Variants in CEACAM19 observed in about 807,000 individuals in gnomAD.
CEACAM19 encodes cell adhesion molecule CEACAM19.
A neutral mutation model predicts 37.6 loss-of-function variants in CEACAM19; 37 were observed. The ratio of observed to expected loss-of-function variants is 0.98; its 90% confidence interval spans 0.76 to 1.29. CEACAM19 has a LOEUF of 1.29. Among genes scored for constraint, CEACAM19 ranks in the 50% most tolerant of loss-of-function variants. The pLI is 0.00. For synonymous variants in CEACAM19, 140 were observed against 149.8 expected, an observed-to-expected ratio of 0.93 and a Z score of 0.48; for missense variants, 340 against 375.6, an observed-to-expected ratio of 0.91 and a Z score of 0.78.
chr19:44,667,318 C>T (rs1973730647), upstream of CEACAM19: 1 of 151,252 alleles, frequency 6.6e-6, no homozygotes, highest in Non-Finnish European at 1.5e-5. Context: ...CCTCAGATCC[C>T]TAGGTCAGCT....
At chr19:44,673,635 C>T (rs551146660) in intron 2 of CEACAM19, 2 of 152,140 alleles carry the variant, frequency 1.3e-5, no homozygotes, top group South Asian at 2.1e-4. Flanking sequence ...TGGTTGAGAA[C>T]CATTACTCTA....
chr19:44,666,584 C>T (rs1189613435), upstream of CEACAM19, among the ~76,000 whole-genome samples: 2 of 152,076 alleles, frequency 1.3e-5, no homozygotes, highest in Admixed American at 1.3e-4. Flanking sequence ...GCAAGAGAAT[C>T]GCTTGAACCT....
Position 44,672,955 on chromosome 19 carries a change from C to G in CEACAM19, c.415C>G (p.Gln139Glu). The G allele has an allele frequency of 2.7e-6, 4 of 1,490,386 alleles. No homozygotes were observed. The highest frequency in any genetic ancestry group is 3.6e-6 in the Non-Finnish European group (4 of 1,115,752). 92.3% of individuals were successfully genotyped at this position (1,490,386 alleles called of 1,614,324 possible). A position where few individuals can be genotyped will look rare whatever the true frequency, so the allele number is the denominator to read the frequency against. Residue 139 changes from glutamine (Q) to glutamate (E), a missense_variant, in exon 2 of 8, where the codon CAG (glutamine) becomes GAG (glutamate). By Grantham distance (29) the Gln-to-Glu change is conservative. Coordinates refer to ENST00000358777, the MANE Select transcript of CEACAM19 (RefSeq NM_001127893.3). ...EWTMKAKTEV[Q>E]VAEKNKELPS... ...GACTATGAAGGCCAAGACTGAGGTC[C>G]AGGTAGCTGGTAAGTGTTAGGGTCT...
At chr19:44,669,267 AG>A (rs1278856949), upstream of CEACAM19, among the ~76,000 whole-genome samples, 5 of 152,016 alleles carry the variant, frequency 3.3e-5, no homozygotes, top group Non-Finnish European at 5.9e-5. Context: ...TATAGTTGAA[AG>A]CCACCAAGCC....
chr19:44,681,423 T>G, intron 6 of CEACAM19, 111 bp downstream of exon 6: 1 of 637,086 alleles, frequency 1.6e-6, no homozygotes. Flanking sequence ...GAATCTCAAC[T>G]CTCTATATAT....
At chr19:44,680,238 C>T (rs113730599) in intron 4 of CEACAM19, 50 bp from the exon 5 acceptor site, 14,954 of 1,492,374 alleles carry the variant, frequency 0.01, 107 homozygotes, top group Non-Finnish European at 0.012. Context: ...TCTCTCCCCC[C>T]GCCTGAGTGT....
At chr19:44,676,481 G>T in intron 3 of CEACAM19, 60 bp downstream of exon 3, 1 of 1,545,686 alleles carries the variant, frequency 6.5e-7, no homozygotes, top group South Asian at 1.1e-5. Flanking sequence ...AAGCCCCATG[G>T]ATTCTTCCAC....
chr19:44,668,103 A>C, upstream of CEACAM19, among the ~76,000 whole-genome samples: 1 of 86,412 alleles, frequency 1.2e-5, no homozygotes, highest in African/African-American at 4.8e-5. Flanking sequence ...TATTTATATA[A>C]TATTTTATAT....
upstream of CEACAM19, among the ~76,000 whole-genome samples, chr19:44,669,995 A>T (rs1973828412): frequency 6.6e-6 from 1 of 152,200 alleles, no homozygotes. Flanking sequence ...GGCACTGGGA[A>T]TGTGTGCTGG....
chr19:44,668,471 ATATAATATATATAT>A (rs1264339247), upstream of CEACAM19, among the ~76,000 whole-genome samples: 1 of 60,090 alleles, frequency 1.7e-5, no homozygotes, highest in African/African-American at 7.7e-5. Flanking sequence ...AATATATATA[ATATAATATATATAT>A]TATATATATT....
At chr19:44,677,057 C>T (rs780028046) in intron 3 of CEACAM19, among the ~76,000 whole-genome samples, 63 of 152,252 alleles carry the variant, frequency 4.1e-4, no homozygotes, top group Non-Finnish European at 6.2e-4. Flanking sequence ...CAGGCTCTCC[C>T]CTGTTGCCAC....
upstream of CEACAM19, among the ~76,000 whole-genome samples, chr19:44,667,587 A>ATATATTTTTATATATAAATATATAT (rs1477356328): frequency 4.6e-5 from 5 of 109,794 alleles, no homozygotes; most frequent in Non-Finnish European, 8.7e-5. Context: ...TTATATATGT[A>ATATATTTTTATATATAAATATATAT]TATATTTTTA....
At chr19:44,679,250 C>T (rs562045754) in intron 4 of CEACAM19, among the ~76,000 whole-genome samples, 225 of 152,310 alleles carry the variant, frequency 1.5e-3, no homozygotes, top group African/African-American at 5.1e-3. Flanking sequence ...ACCTTGGTCT[C>T]CCAATGTGCT....
upstream of CEACAM19, among the ~76,000 whole-genome samples, chr19:44,667,703 T>A (rs1391661046): frequency 2.5e-5 from 2 of 79,138 alleles, no homozygotes; most frequent in African/African-American, 5.4e-5. Flanking sequence ...ATAATATATA[T>A]TATATAAATA....
At chr19:44,676,811 A>G (rs1973958410) in intron 3 of CEACAM19, among the ~76,000 whole-genome samples, 1 of 151,634 alleles carries the variant, frequency 6.6e-6, no homozygotes. Context: ...TTTTGTAGAG[A>G]TGGGGTTTTG....
At chr19:44,668,317 T>C (rs1488438591), upstream of CEACAM19, among the ~76,000 whole-genome samples, 1 of 68,146 alleles carries the variant, frequency 1.5e-5, no homozygotes, top group Non-Finnish European at 2.2e-5. Context: ...TATATATTAT[T>C]ATATTTATAT....
intron 4 of CEACAM19, 61 bp from the exon 5 acceptor site, chr19:44,680,227 C>A: frequency 7.1e-7 from 1 of 1,407,562 alleles, no homozygotes; most frequent in Non-Finnish European, 1.0e-6. Flanking sequence ...TCTCTTAAGT[C>A]TCTCTCCCCC....
intron 5 of CEACAM19, 124 bp downstream of exon 5, chr19:44,680,458 C>G: frequency 1.1e-6 from 1 of 871,210 alleles, no homozygotes; most frequent in Non-Finnish European, 1.8e-6. Context: ...GCCCCGAGAC[C>G]TCTCTGGGGC....
chr19:44,669,346 A>G (rs1488337123), upstream of CEACAM19, among the ~76,000 whole-genome samples: 2 of 152,022 alleles, frequency 1.3e-5, no homozygotes, highest in Non-Finnish European at 1.5e-5. Context: ...CTGGTCTCCA[A>G]TTCCTAGGCT....
Sources: gnomAD v4.1 joint callset for allele counts (sites outside exome capture counted in the v4.1 genomes callset) on GRCh38, gnomAD v4.1.1 for gene constraint, MANE v1.5 for transcripts, NCBI Gene and HGNC (gene_info 2026-07-23, HGNC 2026-07-21) for gene names.